BNC2: variants seen among roughly 807,000 people sequenced by gnomAD.
BNC2 encodes basonuclin zinc finger protein 2.
Under a neutral mutation model 76.3 loss-of-function variants are expected in BNC2, and 20 were observed. The observed-to-expected ratio is 0.26, with a 90% confidence interval of 0.18 to 0.38. The LOEUF is 0.38. BNC2 is among the 10% of genes least tolerant of loss of function. The pLI is 1.00. For missense variants in BNC2, 1,382 were observed against 1,399.8 expected, an observed-to-expected ratio of 0.99 and a Z score of 0.20; for synonymous variants, 582 against 514.8, an observed-to-expected ratio of 1.13 and a Z score of -1.77.
intron 5 of BNC2, among the ~76,000 whole-genome samples, chr9:16,480,006 T>C (rs1217015767): frequency 6.6e-6 from 1 of 152,236 alleles, no homozygotes; most frequent in African/African-American, 2.4e-5. Context: ...GCTATTATAA[T>C]ATTCAGTATT....
At chr9:16,427,446 T>G (rs1820824198) in intron 6 of BNC2, among the ~76,000 whole-genome samples, 1 of 152,252 alleles carries the variant, frequency 6.6e-6, no homozygotes, top group South Asian at 2.1e-4. Flanking sequence ...ATCATTTACC[T>G]CTTTATTGAA....
intron 3 of BNC2, among the ~76,000 whole-genome samples, chr9:16,664,720 A>T (rs1443535758): frequency 6.6e-6 from 1 of 151,756 alleles, no homozygotes; most frequent in African/African-American, 2.4e-5. Context: ...AAACAAAAAA[A>T]AACAAAAACA....
intron 5 of BNC2, among the ~76,000 whole-genome samples, chr9:16,474,974 T>C (rs1410629766): frequency 2.0e-5 from 3 of 152,120 alleles, no homozygotes; most frequent in South Asian, 2.1e-4. Flanking sequence ...AAGAACTACA[T>C]AGACCTGGAC....
intron 5 of BNC2, among the ~76,000 whole-genome samples, chr9:16,458,984 A>G (rs1221066446): frequency 2.0e-5 from 3 of 152,194 alleles, no homozygotes; most frequent in Non-Finnish European, 4.4e-5. Flanking sequence ...GACATGGCAA[A>G]AGAAAACACA....
chr9:16,830,368 A>C (rs377697341), intron 1 of BNC2, among the ~76,000 whole-genome samples: 3 of 152,328 alleles, frequency 2.0e-5, no homozygotes, highest in East Asian at 3.9e-4. Flanking sequence ...AATCCCTTAA[A>C]AATTGGTGTA....
rs1233462935 is a variant in BNC2, at chr9:16,856,275, T to TCA, written c.3+14370_3+14371insTG. Among the ~76,000 whole-genome samples the TCA allele has an allele frequency of 5.8e-4, 50 of 86,458 alleles. No homozygotes were observed. The South Asian group carries it at 0.012, about 21-fold the overall frequency. 56.7% of individuals were successfully genotyped at this position (86,458 alleles called of 152,430 possible). The stretch of plus-strand genomic sequence containing the variant: ...TTTCTTCACACACACTCTCTCTCTC[T>TCA]CTCACACACACACACACACACACAC... On this transcript the variant is annotated intron_variant, in intron 1 of 6. Coordinates refer to ENST00000380672, the MANE Select transcript of BNC2 (RefSeq NM_017637.6).
chr9:16,474,257 A>C (rs1358967660), intron 5 of BNC2, among the ~76,000 whole-genome samples: 1 of 152,172 alleles, frequency 6.6e-6, no homozygotes, highest in African/African-American at 2.4e-5. Context: ...AAATAAATTA[A>C]CTCCACATAC....
intron 3 of BNC2, among the ~76,000 whole-genome samples, chr9:16,586,982 T>C (rs781462423): frequency 1.3e-5 from 2 of 152,192 alleles, no homozygotes; most frequent in Admixed American, 1.3e-4. Context: ...GCTAGATGTA[T>C]TGAATATCTT....
chr9:16,617,575 G>A (rs1820746346), intron 3 of BNC2, among the ~76,000 whole-genome samples: 1 of 151,390 alleles, frequency 6.6e-6, no homozygotes, highest in Non-Finnish European at 1.5e-5. Context: ...TTCTATACAA[G>A]GCACATATAA....
At chr9:16,610,732 A>G (rs536542807) in intron 3 of BNC2, among the ~76,000 whole-genome samples, 2 of 152,166 alleles carry the variant, frequency 1.3e-5, no homozygotes, top group African/African-American at 4.8e-5. Context: ...CATTAGGTAC[A>G]TGGAGTCTTT....
Position 16,738,394 on chromosome 9 carries a change from A to G in BNC2, c.95T>C (p.Val32Ala). Reference sequence around the variant, plus strand: ...AGATGTATCAACCCCACAACATGGGACCTTGAAATATGCTGGCCAGTCTTG... The same window carrying G: ...AGATGTATCAACCCCACAACATGGGGCCTTGAAATATGCTGGCCAGTCTTG... Reference protein sequence around the residue: ...SEQDWPAYFKVPCCGVDTSQI... With the variant: ...SEQDWPAYFKAPCCGVDTSQI... The change falls in exon 2 of 7, where the codon GTC becomes GCC. Residue 32 changes from valine (V) to alanine (A), a missense_variant. Transcript: ENST00000380672. 1 of 1,614,082 alleles carries G rather than the reference A, an allele frequency of 6.2e-7. No homozygotes were observed. The highest frequency in any genetic ancestry group is 8.5e-7 in the Non-Finnish European group (1 of 1,179,990).
chr9:16,638,866 A>C (rs1307007903), intron 3 of BNC2, among the ~76,000 whole-genome samples: 1 of 152,232 alleles, frequency 6.6e-6, no homozygotes, highest in Non-Finnish European at 1.5e-5. Context: ...GATAGGATTT[A>C]TGATTCTCAG....
intron 3 of BNC2, among the ~76,000 whole-genome samples, chr9:16,684,690 C>T (rs771814305): frequency 1.3e-5 from 2 of 152,096 alleles, no homozygotes; most frequent in Non-Finnish European, 2.9e-5. Context: ...GTATGAGTTT[C>T]CTCATGCTAG....
At chr9:16,485,886 G>C (rs1002484338) in intron 5 of BNC2, among the ~76,000 whole-genome samples, 6 of 152,148 alleles carry the variant, frequency 3.9e-5, no homozygotes, top group Non-Finnish European at 2.9e-5. Flanking sequence ...GTACCCCCAA[G>C]GGTACAAATT....
chr9:16,539,631 GAGC>G (rs1818242113), intron 5 of BNC2, among the ~76,000 whole-genome samples: 2 of 48,932 alleles, frequency 4.1e-5, no homozygotes, highest in Non-Finnish European at 8.9e-5. Context: ...GGGAGGGAGG[GAGC>G]GAGGGAGGGA....
At chr9:16,698,028 G>A (rs889557623) in intron 3 of BNC2, among the ~76,000 whole-genome samples, 1 of 152,148 alleles carries the variant, frequency 6.6e-6, no homozygotes. Context: ...AAGCCTGTGG[G>A]CCAAATGCTA....
intron 3 of BNC2, among the ~76,000 whole-genome samples, chr9:16,678,267 C>CTTTTTTTTTT (rs140809930): frequency 0.025 from 2,046 of 80,742 alleles, 43 homozygotes; most frequent in Non-Finnish European, 0.034. Context: ...CTTTCTTTTT[C>CTTTTTTTTTT]TTTTTTTTTT....
chr9:16,459,891 G>A (rs1432424707), intron 5 of BNC2, among the ~76,000 whole-genome samples: 1 of 152,166 alleles, frequency 6.6e-6, no homozygotes, highest in East Asian at 1.9e-4. Flanking sequence ...ACAGCTGCCA[G>A]CTACATTATC....
chr9:16,421,927 G>A (rs1820718913), intron 6 of BNC2, among the ~76,000 whole-genome samples: 1 of 152,142 alleles, frequency 6.6e-6, no homozygotes, highest in African/African-American at 2.4e-5. Context: ...TGCGATGACT[G>A]TAATCTAGAA....
Sources: allele counts gnomAD v4.1 joint callset (sites outside exome capture counted in the v4.1 genomes callset), GRCh38; gene constraint gnomAD v4.1.1; transcripts MANE v1.5; gene names NCBI Gene and HGNC (gene_info 2026-07-23, HGNC 2026-07-21).